The following SV2C variants were observed in gnomAD, a reference collection of about 807,000 sequenced individuals.
The protein encoded by SV2C is synaptic vesicle glycoprotein 2C.
Under a neutral mutation model 79.7 loss-of-function variants are expected in SV2C, and 49 were observed. The observed-to-expected ratio is 0.61, with a 90% CI of 0.49 to 0.78. SV2C has a LOEUF of 0.78. Among genes scored for constraint, SV2C ranks in the 30% least tolerant of loss-of-function variants. SV2C has a pLI of 0.00. For missense variants in SV2C, 833 were observed against 912.9 expected (o/e 0.91, Z 1.13); for synonymous variants, 334 against 333.2 (o/e 1.00, Z -0.03).
the SV2C span, among the ~76,000 whole-genome samples, chr5:75,884,852 G>C: frequency 2.6e-5 from 4 of 151,896 alleles, no homozygotes; most frequent in African/African-American, 7.2e-5. Flanking sequence ...ATATTGTACA[G>C]AACTTAGCAA....
At chr5:76,176,270 A>G (rs1022295788) in intron 2 of SV2C, among the ~76,000 whole-genome samples, 1 of 152,146 alleles carries the variant, frequency 6.6e-6, no homozygotes, top group Non-Finnish European at 1.5e-5. Flanking sequence ...TTGTGCAAAT[A>G]GAAAACCATG....
the SV2C span, among the ~76,000 whole-genome samples, chr5:75,956,205 A>G: frequency 1.4e-5 from 2 of 144,208 alleles, no homozygotes; most frequent in East Asian, 3.9e-4. Context: ...ACCATGGAAT[A>G]CTATGCAGCC....
the SV2C span, among the ~76,000 whole-genome samples, chr5:75,852,247 G>A: frequency 8.5e-5 from 13 of 152,148 alleles, no homozygotes; most frequent in Non-Finnish European, 1.6e-4. Flanking sequence ...AAACCACTAT[G>A]GCACGTGTAT....
the SV2C span, among the ~76,000 whole-genome samples, chr5:76,036,757 C>T: frequency 6.6e-6 from 1 of 152,082 alleles, no homozygotes; most frequent in African/African-American, 2.4e-5. Flanking sequence ...ATCTTTGTGG[C>T]ATTCTCTATA....
chr5:76,323,320 T>C (rs771935117), intron 12 of SV2C, among the ~76,000 whole-genome samples: 9 of 152,050 alleles, frequency 5.9e-5, no homozygotes, highest in Non-Finnish European at 1.0e-4. Flanking sequence ...GAAATGAAAA[T>C]CAAAACTGCA....
chr5:75,997,822 C>T, the SV2C span, among the ~76,000 whole-genome samples: 15 of 152,160 alleles, frequency 9.9e-5, no homozygotes, highest in African/African-American at 3.6e-4. Flanking sequence ...ACCATTTGAC[C>T]CAGCCATCCC....
the SV2C span, among the ~76,000 whole-genome samples, chr5:75,888,708 G>T: frequency 6.6e-6 from 1 of 152,090 alleles, no homozygotes; most frequent in African/African-American, 2.4e-5. Flanking sequence ...CCTTGTAACA[G>T]GTTCCCGTGG....
rs1461366533 is a variant in SV2C, at chr5:76,331,118, A to G, written c.*5571A>G. 1 of 152,220 alleles carries G rather than the reference A, an allele frequency of 6.6e-6. No individual in the cohort carries two copies. Among genetic ancestry groups the G allele is most frequent in the Non-Finnish European group, 1.5e-5 (1 of 68,098 alleles). The allele number at this position is 152,220 out of a possible 1,614,324, so 9.4% of individuals were successfully genotyped here. On this transcript the variant is annotated 3_prime_UTR_variant, in exon 13 of 13. Coordinates refer to ENST00000502798, the MANE Select transcript of SV2C (RefSeq NM_014979.4). ...AGTGATCTACCCACCTTGGCCTCCC[A>G]AAGTGCTGGGATTACAGGCATGAGC...
chr5:76,271,746 C>T (rs1048711318), intron 4 of SV2C, among the ~76,000 whole-genome samples: 3 of 151,260 alleles, frequency 2.0e-5, no homozygotes, highest in African/African-American at 7.3e-5. Flanking sequence ...GGATTACAGG[C>T]GTGAGCCATC....
At chr5:75,921,449 G>C in the SV2C span, 16 of 798,408 alleles carry the variant, frequency 2.0e-5, no homozygotes, top group South Asian at 2.0e-4. Flanking sequence ...TGAACTTCTT[G>C]CCATCCTTGC....
intron 4 of SV2C, among the ~76,000 whole-genome samples, chr5:76,257,824 G>A (rs1019334297): frequency 2.6e-5 from 4 of 151,230 alleles, no homozygotes; most frequent in Non-Finnish European, 5.9e-5. Flanking sequence ...ATGGGTATAT[G>A]TAGTATGGAT....
intron 12 of SV2C, among the ~76,000 whole-genome samples, chr5:76,313,823 T>TGG (rs1748535174): frequency 6.6e-6 from 1 of 152,190 alleles, no homozygotes; most frequent in African/African-American, 2.4e-5. Flanking sequence ...AATCATTGCT[T>TGG]ATACAGAACA....
At chr5:76,075,276 A>G in the SV2C span, among the ~76,000 whole-genome samples, 1 of 152,342 alleles carries the variant, frequency 6.6e-6, no homozygotes, top group East Asian at 1.9e-4. Flanking sequence ...TTTCGGGAGT[A>G]AGGAAAGCTT....
chr5:75,875,108 A>C, the SV2C span, among the ~76,000 whole-genome samples: 4 of 152,236 alleles, frequency 2.6e-5, no homozygotes, highest in African/African-American at 7.2e-5. Context: ...ACCAAAAAAG[A>C]GCCTGAATAG....
intron 4 of SV2C, among the ~76,000 whole-genome samples, chr5:76,257,286 TGTGTA>T (rs1467929769): frequency 7.4e-6 from 1 of 134,664 alleles, no homozygotes; most frequent in Non-Finnish European, 1.6e-5. Flanking sequence ...TGTGTGTGTG[TGTGTA>T]GTGTGTGTGT....
intron 2 of SV2C, among the ~76,000 whole-genome samples, chr5:76,166,251 CA>C (rs759790598): frequency 6.6e-6 from 1 of 152,168 alleles, no homozygotes; most frequent in Non-Finnish European, 1.5e-5. Flanking sequence ...GTAGCTTCCA[CA>C]ACCCTGCAGT....
At chr5:75,904,711 C>T in the SV2C span, among the ~76,000 whole-genome samples, 1 of 152,334 alleles carries the variant, frequency 6.6e-6, no homozygotes, top group Middle Eastern at 3.4e-3. Flanking sequence ...TGGTTCCCAT[C>T]TGTCATCCTA....
chr5:76,121,930 GA>G, intron 1 of SV2C, among the ~76,000 whole-genome samples: 1 of 152,212 alleles, frequency 6.6e-6, no homozygotes, highest in South Asian at 2.1e-4. Context: ...GCTTGATGGG[GA>G]TGGCATTGAA....
intron 4 of SV2C, among the ~76,000 whole-genome samples, chr5:76,243,951 G>A (rs1033183574): frequency 6.6e-6 from 1 of 152,180 alleles, no homozygotes; most frequent in African/African-American, 2.4e-5. Context: ...TGTTTGAAAT[G>A]TTCTCTCAAA....
Sources: gnomAD v4.1 joint callset for allele counts (sites outside exome capture counted in the v4.1 genomes callset) on GRCh38, gnomAD v4.1.1 for gene constraint, MANE v1.5 for transcripts, NCBI Gene and HGNC (gene_info 2026-07-23, HGNC 2026-07-21) for gene names.